PNPLA6: variants seen among roughly 807,000 people sequenced by gnomAD.
PNPLA6 encodes patatin like domain 6, lysophospholipase.
Under a neutral mutation model 153.7 loss-of-function variants are expected in PNPLA6, and 105 were observed. That is an observed-to-expected ratio of 0.68 (90% CI 0.58 to 0.80). The LOEUF is 0.80. PNPLA6 is among the 30% of genes least tolerant of loss of function. PNPLA6 has a pLI of 0.00. For synonymous variants in PNPLA6, 825 were observed against 822.2 expected (o/e 1.00, Z -0.06); for missense variants, 1,423 against 1,919.3 (o/e 0.74, Z 4.83).
chr19:7,560,763 A>T lies in PNPLA6; in HGVS notation c.3815A>T (p.Asp1272Val). ...GACCTTAATGAGAGCCGCCGTGCAGACGTAAGCCTGTGATGCCCCCAGGGC... is the reference window on the plus strand; with the variant it reads ...GACCTTAATGAGAGCCGCCGTGCAGTCGTAAGCCTGTGATGCCCCCAGGGC... The part of the protein sequence containing the change: ...STDLNESRRA[D>V]VLAFPSSGFT... Residue 1272 changes from aspartate to valine, a missense_variant and splice_region_variant, in exon 29 of 32, where the codon GAC (aspartate) becomes GTC (valine). Transcript: ENST00000600737. 1 of 1,594,526 alleles carries T rather than the reference A, an allele frequency of 6.3e-7. No homozygotes were observed. The highest frequency in any genetic ancestry group is 8.6e-7 in the Non-Finnish European group (1 of 1,162,338).
chr19:7,549,453 TGGGA>T, intron 13 of PNPLA6, among the ~76,000 whole-genome samples: 1 of 151,210 alleles, frequency 6.6e-6, no homozygotes, highest in Admixed American at 6.6e-5. Context: ...CCCAAAGTTC[TGGGA>T]TTACAGGCGT....
rs144558473 is a variant in PNPLA6 at position 7,561,255 on chromosome 19, G to T, written c.3961G>T (p.Asp1321Tyr). The T allele has an allele frequency of 6.2e-7, 1 of 1,610,910 alleles. No individual in the cohort carries two copies. Among genetic ancestry groups the T allele is most frequent in the South Asian group, 1.1e-5 (1 of 90,334 alleles). The change falls in exon 31 of 32, where the codon GAC (aspartate) becomes TAC (tyrosine). Residue 1321 changes from aspartate to tyrosine, a missense_variant. By Grantham distance (160) the Asp-to-Tyr change is radical. Around this residue, in one of 10 missense-constraint regions of PNPLA6, gnomAD observed 643 missense variants for 835.2 expected, o/e 0.77. Coordinates refer to ENST00000600737, the MANE Select transcript of PNPLA6 (RefSeq NM_001166114.2). ...LTEYEEDAGP[D>Y]CSRDEGGSPE... ...AGAGTATGAGGAGGACGCCGGACCC[G>T]ACTGCTCGAGGGATGAAGGGGGGTC...
At chr19:7,559,229 A>C in intron 28 of PNPLA6, 78 bp downstream of exon 28, 1 of 1,241,734 alleles carries the variant, frequency 8.1e-7, no homozygotes, top group Non-Finnish European at 1.2e-6. Flanking sequence ...GAGTGGTATG[A>C]GGGGGAGGAA....
In PNPLA6 at chr19:7,561,328, G is replaced by T; in HGVS notation, c.4023+11G>T. 1 of 1,574,774 alleles carries T rather than the reference G, an allele frequency of 6.4e-7. No individual in the cohort carries two copies. Among genetic ancestry groups the T allele is most frequent in the Non-Finnish European group, 8.7e-7 (1 of 1,153,906 alleles). On this transcript the variant is annotated intron_variant, in intron 31 of 31. Coordinates refer to ENST00000600737, the MANE Select transcript of PNPLA6 (RefSeq NM_001166114.2). ...ACTGCCTCCGAGATGGTGAGAGTGG[G>T]TGGCCCAGGGTCCCCTCACATCCCC...
intron 27 of PNPLA6, among the ~76,000 whole-genome samples, chr19:7,558,405 G>T (rs2023973684): frequency 6.6e-6 from 1 of 152,222 alleles, no homozygotes; most frequent in Admixed American, 6.5e-5. Context: ...GCTGAGGCGG[G>T]TGGATCACTT....
intron 27 of PNPLA6, among the ~76,000 whole-genome samples, chr19:7,558,081 G>A (rs11878263): frequency 0.16 from 24,504 of 152,214 alleles, 2,203 homozygotes; most frequent in African/African-American, 0.24. Flanking sequence ...TGTCCTGCAC[G>A]TTCCCTCAAA....
chr19:7,550,206 A>G, intron 14 of PNPLA6, 92 bp from the exon 15 acceptor site: 1 of 1,609,876 alleles, frequency 6.2e-7, no homozygotes, highest in South Asian at 1.1e-5. Flanking sequence ...CACTCCTGGA[A>G]GAGCAGAAGG....
At chr19:7,554,480 C>A in intron 20 of PNPLA6, 75 bp from the exon 21 acceptor site, 1 of 1,542,412 alleles carries the variant, frequency 6.5e-7, no homozygotes, top group East Asian at 2.3e-5. Flanking sequence ...CTCCCAGCAA[C>A]GGAGCTATGT....
chr19:7,549,850 T>C (rs540275991), intron 13 of PNPLA6, 57 bp from the exon 14 acceptor site: 14 of 1,544,174 alleles, frequency 9.1e-6, no homozygotes, highest in Non-Finnish European at 1.2e-5. Flanking sequence ...CATGTTGACC[T>C]GAGCTGGGGT....
chr19:7,535,452 A>C, upstream of PNPLA6: 3 of 1,211,156 alleles, frequency 2.5e-6, no homozygotes, highest in Non-Finnish European at 3.6e-6. This position sits in a 1 kb window ranked among gnomAD's most constrained non-coding sequence, Gnocchi z 5.0. Context: ...GAGGCAGGGG[A>C]GAGGTGGGCC....
At position 7,557,245 on chromosome 19, in the gene PNPLA6, C is replaced by A. The variant is rs2023921392; in HGVS notation, c.3358C>A (p.His1120Asn). 1 of 1,613,476 alleles carries A rather than the reference C, an allele frequency of 6.2e-7. No homozygotes were observed. Among genetic ancestry groups the A allele is most frequent in the South Asian group, 1.1e-5 (1 of 91,090 alleles). The change falls in exon 27 of 32, where the codon CAC becomes AAC. Residue 1120 changes from histidine to asparagine, a missense_variant. By Grantham distance (68) the His-to-Asn change is moderately conservative. This residue lies in a region of PNPLA6 where 643 missense variants were observed against 835.2 expected (regional missense o/e 0.77). Coordinates refer to ENST00000600737, the MANE Select transcript of PNPLA6 (RefSeq NM_001166114.2). ...LPPLCDPKDG[H>N]LLMDGGYINN... ...CCCGCTGTGCGACCCCAAGGACGGG[C>A]ACCTACTCATGGATGGCGGCTACAT...
intron 10 of PNPLA6, 186 bp from the exon 11 acceptor site, chr19:7,542,375 C>T (rs2023190144): frequency 1.6e-6 from 1 of 639,928 alleles, no homozygotes; most frequent in Non-Finnish European, 2.8e-6. Flanking sequence ...AGACCTGTCT[C>T]CCAGGCTAGA....
upstream of PNPLA6, chr19:7,535,711 C>T: frequency 1.3e-6 from 2 of 1,521,296 alleles, no homozygotes; most frequent in Non-Finnish European, 1.8e-6. This position sits in a 1 kb window ranked among gnomAD's most constrained non-coding sequence, Gnocchi z 5.0. Flanking sequence ...CTACGTTTCC[C>T]GGCATGCACT....
Position 7,559,103 on chromosome 19 carries a change from C to T in PNPLA6, c.3651C>T (p.Pro1217=). 1.2e-6 allele frequency: 2 copies of T among 1,614,228 alleles called. No individual in the cohort carries two copies. Among genetic ancestry groups the T allele is most frequent in the Middle Eastern group, 1.7e-4 (1 of 6,060 alleles). ...CCTACTGCGAGTACCTGCGCCCGCCCATCGACTGCTTCAAGACCATGGACT... is the reference window on the plus strand; with the variant it reads ...CCTACTGCGAGTACCTGCGCCCGCCTATCGACTGCTTCAAGACCATGGACT... The part of the protein sequence containing the change: ...SSSYCEYLRP[P]IDCFKTMDFG... The change falls in exon 28 of 32, where the codon CCC becomes CCT. Residue 1217 remains proline, a synonymous_variant. Transcript: ENST00000600737.
In PNPLA6 at chr19:7,547,811, ATTTTTTTTTTTTTT is replaced by A. The variant is rs71286227; in HGVS notation, c.1609-2077_1609-2064del. Among the ~76,000 whole-genome samples the A allele has an allele frequency of 3.9e-4, 45 of 114,554 alleles. 5 individuals are homozygous for A. The highest frequency in any genetic ancestry group is 1.1e-3 in the South Asian group (4 of 3,624). 75.2% of individuals were successfully genotyped at this position (114,554 alleles called of 152,430 possible). On this transcript the variant is annotated intron_variant, in intron 13 of 31. Transcript: ENST00000600737. Reference sequence around the variant, plus strand: ...TGCTACCATGCCTGGCTAATTAAAAATTTTTTTTTTTTTTTTTTTTTTTTTTTTTTTTGTAGAGA... The same window carrying A: ...TGCTACCATGCCTGGCTAATTAAAAATTTTTTTTTTTTTTTTTTGTAGAGA...
At position 7,542,050 on chromosome 19, in the gene PNPLA6, T is replaced by C; in HGVS notation, c.1235T>C (p.Met412Thr). The C allele has an allele frequency of 6.2e-7, 1 of 1,606,684 alleles. No homozygotes were observed. Among genetic ancestry groups the C allele is most frequent in the South Asian group, 1.1e-5 (1 of 91,058 alleles). ...CCTCTGCTGAGCCGCTGCGTCTCCA[T>C]GCCAGGGGACATCTCAGGTTTGGAG... Reference protein sequence around the residue: ...SAPLLSRCVSMPGDISGLQGG... With the variant: ...SAPLLSRCVSTPGDISGLQGG... The change falls in exon 10 of 32, where the codon ATG (methionine) becomes ACG (threonine). Residue 412 changes from methionine (M) to threonine (T), a missense_variant. By Grantham distance (81) the Met-to-Thr change is moderately conservative. Transcript: ENST00000600737.
At chr19:7,551,541 C>A in intron 18 of PNPLA6, 104 bp downstream of exon 18, 2 of 1,026,450 alleles carry the variant, frequency 1.9e-6, no homozygotes, top group Middle Eastern at 2.0e-4. Flanking sequence ...AAATGGAGTT[C>A]CGCGAAGAAA....
chr19:7,559,475 G>C (rs959684695), intron 28 of PNPLA6, among the ~76,000 whole-genome samples: 27 of 152,214 alleles, frequency 1.8e-4, no homozygotes, highest in African/African-American at 6.3e-4. Flanking sequence ...AGTTCCAGGA[G>C]AGGGAGGTAG....
At chr19:7,536,166 T>C (rs2022858733) in intron 1 of PNPLA6, 25 bp from the exon 2 acceptor site, 13 of 1,549,148 alleles carry the variant, frequency 8.4e-6, no homozygotes, top group Non-Finnish European at 1.2e-5. Flanking sequence ...GAGCTCGGAG[T>C]GCCCCTGTCC....
Sources: allele counts gnomAD v4.1 joint callset (sites outside exome capture counted in the v4.1 genomes callset), GRCh38; gene constraint gnomAD v4.1.1; regional missense constraint gnomAD v4.1.1; non-coding constraint Gnocchi (gnomAD v3.1); transcripts MANE v1.5; gene names NCBI Gene and HGNC (gene_info 2026-07-23, HGNC 2026-07-21).